PEMT: variants seen among roughly 807,000 people sequenced by gnomAD.
The protein encoded by PEMT is phospholipid methyltransferase.
A neutral mutation model predicts 27.4 loss-of-function variants in PEMT; 23 were observed. The ratio of observed to expected loss-of-function variants is 0.84; its 90% CI spans 0.60 to 1.19. PEMT has a LOEUF of 1.19. PEMT is among the 50% of genes most tolerant of loss of function. PEMT has a pLI of 0.00. For synonymous variants in PEMT, 137 were observed against 139.1 expected (o/e 0.98, Z 0.11); for missense variants, 307 against 310.1 (o/e 0.99, Z 0.07).
Position 17,577,022 on chromosome 17 carries a change from G to T in PEMT, c.102C>A (p.Asp34Glu), listed in dbSNP as rs745540999. ...GLGNIDFRQA[D>E]FCVMTRLLGY... ...CCAGCAGCCGGGTCATAACGCAGAAGTCTGCCTGCAGGGACAGAGCTAGCA... is the reference window on the plus strand; with the variant it reads ...CCAGCAGCCGGGTCATAACGCAGAATTCTGCCTGCAGGGACAGAGCTAGCA... The change falls in exon 2 of 7, where the codon GAC becomes GAA. Residue 34 changes from aspartate (D) to glutamate (E), a missense_variant. Transcript: ENST00000255389. The T allele has an allele frequency of 8.7e-6, 14 of 1,613,296 alleles. No homozygotes were observed. The highest frequency in any genetic ancestry group is 3.3e-4 in the Middle Eastern group (2 of 6,056).
intron 1 of PEMT, among the ~76,000 whole-genome samples, chr17:17,577,845 A>G (rs937002706): frequency 3.3e-5 from 5 of 151,752 alleles, no homozygotes; most frequent in African/African-American, 4.8e-5. Context: ...GTGAAACCCC[A>G]TCTCTACTAA....
chr17:17,582,454 C>T lies in PEMT; in HGVS notation c.97-5427G>A. Reference sequence around the variant, plus strand: ...CAGGGAATGATCTGCAGTGGGTCAACATGTCACATTGTGACACATGGACAA... The same window carrying T: ...CAGGGAATGATCTGCAGTGGGTCAATATGTCACATTGTGACACATGGACAA... On this transcript the variant is annotated intron_variant, in intron 1 of 6. Coordinates refer to ENST00000255389, the MANE Select transcript of PEMT (RefSeq NM_148172.3). The surrounding 1 kb of genome is among the most constrained non-coding windows in gnomAD (Gnocchi z 4.9). 1 of 985,000 alleles carries T rather than the reference C, an allele frequency of 1.0e-6. No homozygotes were observed. Among genetic ancestry groups the T allele is most frequent in the Non-Finnish European group, 1.2e-6 (1 of 829,480 alleles). The allele number at this position is 985,000 out of a possible 1,614,324, so 61.0% of individuals were successfully genotyped here. A position where few individuals can be genotyped will look rare whatever the true frequency, so the allele number is the denominator to read the frequency against.
intron 1 of PEMT, among the ~76,000 whole-genome samples, chr17:17,578,970 T>A (rs1911808800): frequency 6.6e-6 from 1 of 152,126 alleles, no homozygotes; most frequent in South Asian, 2.1e-4. Flanking sequence ...ATAAAAAAAA[T>A]AAGTGTAAAG....
chr17:17,534,419 A>C (rs1340715989), intron 2 of PEMT, among the ~76,000 whole-genome samples: 2 of 152,260 alleles, frequency 1.3e-5, no homozygotes, highest in African/African-American at 4.8e-5. Context: ...AAAGCAGATC[A>C]GCAGCAGCCT....
intron 4 of PEMT, among the ~76,000 whole-genome samples, chr17:17,511,239 G>A (rs1032924947): frequency 1.3e-5 from 2 of 151,866 alleles, no homozygotes; most frequent in African/African-American, 2.4e-5. Flanking sequence ...CTACCTGCCC[G>A]CACCTGCCCC....
rs141641212 is a variant in PEMT, at chr17:17,558,682, GAA to G, written c.204+18236_204+18237del. Among the ~76,000 whole-genome samples the G allele has an allele frequency of 2.0e-3, 192 of 95,530 alleles. 1 individual carries two copies. Among genetic ancestry groups the G allele is most frequent in the Non-Finnish European group, 3.3e-3 (152 of 45,960 alleles). 62.7% of individuals were successfully genotyped at this position (95,530 alleles called of 152,430 possible). A position where few individuals can be genotyped will look rare whatever the true frequency, so the allele number is the denominator to read the frequency against. ...CAGGCAGAGTGAGAACCAGTCTCAC[GAA>G]AAAAAAAAAAAAAAACAAAAAGAAA... On this transcript the variant is annotated intron_variant, in intron 2 of 6. Coordinates refer to ENST00000255389, the MANE Select transcript of PEMT (RefSeq NM_148172.3).
chr17:17,507,012 G>T, intron 5 of PEMT: 2 of 711,332 alleles, frequency 2.8e-6, no homozygotes, highest in Non-Finnish European at 4.8e-6. Context: ...ATGGAGCATC[G>T]CCAGGGGCTC....
In PEMT at chr17:17,512,467, C is replaced by T. The variant is rs779516224; in HGVS notation, c.466+42G>A. ...CTGGCCCTGCACCTCCCTGGGGCTC[C>T]AGCGGTCCTGCTCAGGGTCACCCCA... On this transcript the variant is annotated intron_variant, in intron 4 of 6. Transcript: ENST00000255389. The surrounding 1 kb of genome is among the most constrained non-coding windows in gnomAD (Gnocchi z 6.3). 1 of 1,475,338 alleles carries T rather than the reference C, an allele frequency of 6.8e-7. No individual in the cohort carries two copies. The highest frequency in any genetic ancestry group is 2.5e-5 in the East Asian group (1 of 39,282). The allele number at this position is 1,475,338 out of a possible 1,614,324, so 91.4% of individuals were successfully genotyped here. A position where few individuals can be genotyped will look rare whatever the true frequency, so the allele number is the denominator to read the frequency against.
Position 17,541,549 on chromosome 17 carries a change from C to T in PEMT, c.205-19154G>A, listed in dbSNP as rs545046908. Reference sequence around the variant, plus strand: ...ATCCCAAGGCGCCAGTTCCCTGGGCCCAGCTCCAGCGAGCCAGAGCCCACA... The same window carrying T: ...ATCCCAAGGCGCCAGTTCCCTGGGCTCAGCTCCAGCGAGCCAGAGCCCACA... On this transcript the variant is annotated intron_variant, in intron 2 of 6. Coordinates refer to ENST00000255389, the MANE Select transcript of PEMT (RefSeq NM_148172.3). Among the ~76,000 whole-genome samples, 8 of 152,364 alleles carry T rather than the reference C, an allele frequency of 5.3e-5. No individual in the cohort carries two copies. In the East Asian group the frequency reaches 1.5e-3, roughly 29 times the overall value.
chr17:17,535,840 G>T (rs921731720), intron 2 of PEMT, among the ~76,000 whole-genome samples: 1 of 152,158 alleles, frequency 6.6e-6, no homozygotes, highest in Non-Finnish European at 1.5e-5. Context: ...GCATATTTTT[G>T]AAAATAAAAA....
At chr17:17,564,708 G>C (rs1910708275) in intron 2 of PEMT, among the ~76,000 whole-genome samples, 1 of 152,186 alleles carries the variant, frequency 6.6e-6, no homozygotes. Flanking sequence ...TCCCACAGCT[G>C]CCCAAGGGGG....
chr17:17,591,761 G>A, upstream of PEMT: 1 of 1,445,368 alleles, frequency 6.9e-7, no homozygotes, highest in South Asian at 1.5e-5. Context: ...CGGCCTTCTG[G>A]GAAATGTAGT....
At chr17:17,540,532 G>A (rs1000487642) in intron 2 of PEMT, among the ~76,000 whole-genome samples, 1 of 152,180 alleles carries the variant, frequency 6.6e-6, no homozygotes, top group African/African-American at 2.4e-5. Flanking sequence ...TGAGTCAGGA[G>A]CACCAGCTGG....
intron 2 of PEMT, among the ~76,000 whole-genome samples, chr17:17,575,913 C>T (rs533501021): frequency 6.6e-6 from 1 of 152,344 alleles, no homozygotes; most frequent in Admixed American, 6.5e-5. Context: ...AAGTCATAAA[C>T]TAAATGAAAA....
intron 1 of PEMT, among the ~76,000 whole-genome samples, chr17:17,584,361 G>A (rs961905877): frequency 1.8e-4 from 27 of 152,228 alleles, no homozygotes; most frequent in African/African-American, 6.0e-4. Context: ...GGGTTTCACC[G>A]TGTTAGCCAG....
rs958278272 is a variant in PEMT at position 17,512,480 on chromosome 17, C to T, written c.466+29G>A. On this transcript the variant is annotated intron_variant, in intron 4 of 6. Coordinates refer to ENST00000255389, the MANE Select transcript of PEMT (RefSeq NM_148172.3). This position sits in a 1 kb window ranked among gnomAD's most constrained non-coding sequence, Gnocchi z 6.3. ...TCCCTGGGGCTCCAGCGGTCCTGCT[C>T]AGGGTCACCCCAGCCCTCAGGGTCT... The T allele has an allele frequency of 3.9e-6, 6 of 1,531,744 alleles. No homozygotes were observed. Among genetic ancestry groups the T allele is most frequent in the East Asian group, 2.4e-5 (1 of 41,434 alleles). 94.9% of individuals were successfully genotyped at this position (1,531,744 alleles called of 1,614,324 possible).
rs139970591 is a variant in PEMT at position 17,574,265 on chromosome 17, A to AAAC, written c.204+2654_204+2655insGTT. 5.9e-4 allele frequency among the ~76,000 whole-genome samples: 73 copies of AAAC among 124,624 alleles called. 3 individuals are homozygous for AAAC. Among genetic ancestry groups the AAAC allele is most frequent in the African/African-American group, 1.3e-3 (44 of 33,908 alleles). 81.8% of individuals were successfully genotyped at this position (124,624 alleles called of 152,430 possible). On this transcript the variant is annotated intron_variant, in intron 2 of 6. Coordinates refer to ENST00000255389, the MANE Select transcript of PEMT (RefSeq NM_148172.3). ...TGACCAAAAAAAAAAAAAAAAAAAAACCGTATGCCAAACACACAGACACAT... is the reference window on the plus strand; with the variant it reads ...TGACCAAAAAAAAAAAAAAAAAAAAAAACCCGTATGCCAAACACACAGACACAT...
At chr17:17,583,113 C>A (rs1002774382) in intron 1 of PEMT, among the ~76,000 whole-genome samples, 1 of 151,286 alleles carries the variant, frequency 6.6e-6, no homozygotes, top group African/African-American at 2.4e-5. Context: ...CAGTGGCTCA[C>A]GCCTGTAATC....
rs75761178 is a variant in PEMT, at chr17:17,532,601, G to A, written c.205-10206C>T. On this transcript the variant is annotated intron_variant, in intron 2 of 6. Coordinates refer to ENST00000255389, the MANE Select transcript of PEMT (RefSeq NM_148172.3). ...GCAATACTCTCCAAACTGATCTAGA[G>A]ATTCAATGCAGTCACAATCAGAATC... Among the ~76,000 whole-genome samples the A allele has an allele frequency of 9.7e-3, 1,482 of 152,330 alleles. 28 individuals carry two copies. The highest frequency in any genetic ancestry group is 0.033 in the African/African-American group (1,376 of 41,566).
Sources: allele counts gnomAD v4.1 joint callset (sites outside exome capture counted in the v4.1 genomes callset), GRCh38; gene constraint gnomAD v4.1.1; non-coding constraint Gnocchi (gnomAD v3.1); transcripts MANE v1.5; gene names NCBI Gene and HGNC (gene_info 2026-07-23, HGNC 2026-07-21).